The following MTCL1 variants were observed in gnomAD, a reference collection of about 807,000 sequenced individuals.
MTCL1 encodes the protein microtubule cross-linking factor 1.
In MTCL1, 79 loss-of-function variants were observed where a neutral mutation model predicts 141.4. That is an observed-to-expected ratio of 0.56 (90% CI 0.47 to 0.67). The LOEUF (loss-of-function observed/expected upper bound fraction) is 0.67. MTCL1 is among the 30% of genes least tolerant of loss of function. MTCL1 has a pLI of 0.00. For missense variants in MTCL1, 2,177 were observed against 2,113.9 expected (o/e 1.03, Z -0.59); for synonymous variants, 914 against 875.8 (o/e 1.04, Z -0.77).
At chr18:8,792,507 G>A (rs909452668) in intron 7 of MTCL1, among the ~76,000 whole-genome samples, 4 of 141,226 alleles carry the variant, frequency 2.8e-5, no homozygotes, top group East Asian at 2.2e-4. Context: ...AGACACCCTC[G>A]GTTGAGAAGG....
At chr18:8,752,975 A>T (rs900710650) in intron 4 of MTCL1, among the ~76,000 whole-genome samples, 1 of 152,214 alleles carries the variant, frequency 6.6e-6, no homozygotes, top group South Asian at 2.1e-4. Flanking sequence ...CGTATCGAAC[A>T]TGGCCATCCT....
intron 4 of MTCL1, among the ~76,000 whole-genome samples, chr18:8,730,715 A>G (rs2096245764): frequency 6.6e-6 from 1 of 152,140 alleles, no homozygotes; most frequent in South Asian, 2.1e-4. Context: ...GGGACCTTTT[A>G]GGGCAGATTA....
At chr18:8,761,328 A>G (rs971171468) in intron 4 of MTCL1, among the ~76,000 whole-genome samples, 5 of 152,224 alleles carry the variant, frequency 3.3e-5, no homozygotes, top group Non-Finnish European at 7.3e-5. Context: ...TAGTATTTTT[A>G]TTGTGATAAA....
rs964119343 is a variant in MTCL1 at position 8,830,246 on chromosome 18, T to C, written c.*18+1282T>C. On this transcript the variant is annotated intron_variant, in intron 16 of 16. Coordinates refer to ENST00000359865, the Ensembl canonical transcript of MTCL1. This position sits in a 1 kb window ranked among gnomAD's most constrained non-coding sequence, Gnocchi z 6.4. The stretch of plus-strand genomic sequence containing the variant: ...GGAGTTTTAACTGGAGAGGTATTTC[T>C]GGTTGTCACGGTACTGTTAGCATAA... 1 of 985,500 alleles carries C rather than the reference T, an allele frequency of 1.0e-6. No homozygotes were observed. Among genetic ancestry groups the C allele is most frequent in the African/African-American group, 1.7e-5 (1 of 57,244 alleles). 61.0% of individuals were successfully genotyped at this position (985,500 alleles called of 1,614,324 possible).
rs371262605 is a variant in MTCL1, at chr18:8,810,733, C to A, written c.2605-2246C>A. Among the ~76,000 whole-genome samples, 1 of 152,122 alleles carries A rather than the reference C, an allele frequency of 6.6e-6. No individual in the cohort carries two copies. Among genetic ancestry groups the A allele is most frequent in the East Asian group, 1.9e-4 (1 of 5,188 alleles). On this transcript the variant is annotated intron_variant, in intron 11 of 16. Coordinates refer to ENST00000359865, the Ensembl canonical transcript of MTCL1. The surrounding 1 kb of genome is among the most constrained non-coding windows in gnomAD (Gnocchi z 5.0). ...GGTTAACTAACACTGGAGGTTTCTC[C>A]CCTCTTTTGTTTCTGCATTCTTTCT...
intron 5 of MTCL1, chr18:8,782,844 A>T (rs989142275): frequency 6.6e-6 from 1 of 152,250 alleles, no homozygotes; most frequent in Non-Finnish European, 1.5e-5. Context: ...GGACTTCCAA[A>T]CACCTTCATG....
Position 8,810,499 on chromosome 18 carries a change from G to A in MTCL1, c.2605-2480G>A, listed in dbSNP as rs690384. Among the ~76,000 whole-genome samples, 50,076 of 152,032 alleles carry A rather than the reference G, an allele frequency of 0.33. 8,610 individuals carry two copies. The highest frequency in any genetic ancestry group is 0.55 in the East Asian group (2,850 of 5,164). The stretch of plus-strand genomic sequence containing the variant: ...CCTTCACTGTCTTCACAAAGCGGGT[G>A]AGCAGAAGTGATGTGGGGCCCAGGA... On this transcript the variant is annotated intron_variant, in intron 11 of 16. Coordinates refer to ENST00000359865, the Ensembl canonical transcript of MTCL1. This position sits in a 1 kb window ranked among gnomAD's most constrained non-coding sequence, Gnocchi z 5.0.
At chr18:8,707,215 A>C (rs954730612) in intron 1 of MTCL1, 2 of 153,018 alleles carry the variant, frequency 1.3e-5, no homozygotes, top group African/African-American at 4.8e-5. Context: ...GGGGGCTCTC[A>C]GGGTCTCCTG....
rs1322490508 is a variant in MTCL1 at position 8,789,595 on chromosome 18, G to A, written c.1888-3403G>A. 4 of 985,320 alleles carry A rather than the reference G, an allele frequency of 4.1e-6. No individual in the cohort carries two copies. The Admixed American group carries it at 1.8e-4, about 45-fold the overall frequency. 61.0% of individuals were successfully genotyped at this position (985,320 alleles called of 1,614,324 possible). ...CGGGAGTTCCGGAACACTGACGTGG[G>A]GAGAATGGTTACAATTGTCAAGACT... is the stretch of plus-strand genomic sequence containing the variant. On this transcript the variant is annotated intron_variant, in intron 7 of 16. Transcript: ENST00000359865.
At chr18:8,751,252 G>A (rs765118889) in intron 4 of MTCL1, among the ~76,000 whole-genome samples, 6 of 152,248 alleles carry the variant, frequency 3.9e-5, no homozygotes, top group African/African-American at 1.4e-4. Context: ...TTTGGACATA[G>A]CTTGTGTGTG....
exon 6 of MTCL1, chr18:8,784,360 T>C: frequency 6.5e-7 from 1 of 1,534,036 alleles, no homozygotes; most frequent in Non-Finnish European, 8.8e-7. Flanking sequence ...GCGGGGAGAG[T>C]GACTCGGAGG....
chr18:8,765,423 G>A (rs2096455160), intron 4 of MTCL1, among the ~76,000 whole-genome samples: 1 of 152,228 alleles, frequency 6.6e-6, no homozygotes, highest in Non-Finnish European at 1.5e-5. Flanking sequence ...TTGGTGGCCT[G>A]GTTGCGTGTG....
intron 1 of MTCL1, among the ~76,000 whole-genome samples, chr18:8,709,679 C>T (rs2096076348): frequency 6.6e-6 from 1 of 152,142 alleles, no homozygotes; most frequent in Non-Finnish European, 1.5e-5. Context: ...GTGCTGTCAT[C>T]ATTGTTGTAC....
chr18:8,748,039 G>A (rs1386151265), intron 4 of MTCL1, among the ~76,000 whole-genome samples: 1 of 151,996 alleles, frequency 6.6e-6, no homozygotes, highest in African/African-American at 2.4e-5. Flanking sequence ...CTGGTCTTCC[G>A]TCCCCAGACC....
chr18:8,705,609 CCGTCGT>C (rs1237143029), upstream of MTCL1: 6 of 1,191,188 alleles, frequency 5.0e-6, no homozygotes, highest in Admixed American at 9.2e-5. This position sits in a 1 kb window ranked among gnomAD's most constrained non-coding sequence, Gnocchi z 5.2. Flanking sequence ...GCCGCCGCCG[CCGTCGT>C]CGTCCGGAGC....
At chr18:8,720,447 T>G (rs1180723853) in exon 4 of MTCL1, 2 of 1,613,866 alleles carry the variant, frequency 1.2e-6, no homozygotes, top group Non-Finnish European at 1.7e-6. Flanking sequence ...ATGATTGAAG[T>G]GGAAATATCC....
intron 9 of MTCL1, 33 bp from the exon 9 acceptor site, chr18:8,798,064 G>A: frequency 6.5e-7 from 1 of 1,548,404 alleles, no homozygotes; most frequent in Non-Finnish European, 8.7e-7. Flanking sequence ...GAATTTGGCT[G>A]AAGCTGTGAT....
At chr18:8,720,101 C>T (rs1301831030) in intron 3 of MTCL1, 8 of 455,012 alleles carry the variant, frequency 1.8e-5, no homozygotes, top group African/African-American at 1.2e-4. Context: ...AAGGTTAGCA[C>T]GTTCTGATAA....
exon 15 of MTCL1, chr18:8,826,045 C>T (rs1261968281): frequency 6.2e-6 from 10 of 1,611,506 alleles, no homozygotes; most frequent in Admixed American, 3.4e-5. Context: ...GGAGAGGGCA[C>T]GCCAGTGAAG....
Sources: gnomAD v4.1 joint callset for allele counts (sites outside exome capture counted in the v4.1 genomes callset) on GRCh38, gnomAD v4.1.1 for gene constraint, Gnocchi (gnomAD v3.1) non-coding constraint, MANE v1.5 for transcripts, NCBI Gene and HGNC (gene_info 2026-07-23, HGNC 2026-07-21) for gene names.